The following CAST variants were observed in gnomAD, a reference collection of about 807,000 sequenced individuals.
CAST encodes MIR583 host.
Under a neutral mutation model 119.6 loss-of-function variants are expected in CAST, and 76 were observed. The observed-to-expected ratio is 0.64, with a 90% CI of 0.53 to 0.77. CAST has a LOEUF of 0.77. CAST is among the 30% of genes least tolerant of loss of function. CAST has a pLI of 0.00. For synonymous variants in CAST, 319 were observed against 331.6 expected (o/e 0.96, Z 0.41); for missense variants, 953 against 946.5 (o/e 1.01, Z -0.09).
chr5:96,106,072 G>A, the CAST span, among the ~76,000 whole-genome samples: 9 of 152,008 alleles, frequency 5.9e-5, no homozygotes, highest in South Asian at 2.1e-4. Flanking sequence ...CTGTGGGATC[G>A]GTGGTGATAT....
At chr5:96,620,855 T>A (rs772524741) in intron 1 of CAST, among the ~76,000 whole-genome samples, 5 of 152,226 alleles carry the variant, frequency 3.3e-5, no homozygotes, top group Non-Finnish European at 5.9e-5. Context: ...AAACGGTATT[T>A]ATAAAGCACA....
the CAST span, among the ~76,000 whole-genome samples, chr5:96,499,649 G>T: frequency 6.6e-6 from 1 of 152,212 alleles, no homozygotes; most frequent in African/African-American, 2.4e-5. Context: ...TGAAAGATTT[G>T]TCTGGACTAT....
the CAST span, among the ~76,000 whole-genome samples, chr5:96,425,546 T>C: frequency 6.6e-6 from 1 of 152,326 alleles, no homozygotes; most frequent in South Asian, 2.1e-4. Context: ...CTGCAAGATA[T>C]TATTTTTCTG....
chr5:96,114,695 A>G, the CAST span, among the ~76,000 whole-genome samples: 4 of 152,220 alleles, frequency 2.6e-5, no homozygotes, highest in African/African-American at 9.7e-5. Flanking sequence ...CTGAAGCAGC[A>G]GGCCATAAGA....
the CAST span, among the ~76,000 whole-genome samples, chr5:96,030,412 G>A: frequency 6.6e-5 from 10 of 152,246 alleles, no homozygotes; most frequent in South Asian, 1.4e-3. Flanking sequence ...TCTCTTCTGC[G>A]CATGAGATTT....
Position 96,757,594 on chromosome 5 carries a change from A to C in CAST, c.1773A>C (p.Glu591Asp), listed in dbSNP as rs1246290388. The change falls in exon 24 of 32, where the codon GAA becomes GAC. Residue 591 changes from glutamate (E) to aspartate (D), a missense_variant. Glu to Asp is a conservative substitution (Grantham distance 45, BLOSUM62 2). Transcript: ENST00000675179. ...ESKEQLPPMSEDFLLDALSED... is the reference protein window; with the variant it reads ...ESKEQLPPMSDDFLLDALSED... ...CCTGGTTCTTGCAGCCCATGAGTGA[A>C]GACTTCCTTCTGGATGCTTTGTCTG... The C allele has an allele frequency of 3.1e-6, 5 of 1,613,764 alleles. No individual in the cohort carries two copies. Among genetic ancestry groups the C allele is most frequent in the Non-Finnish European group, 4.2e-6 (5 of 1,179,826 alleles).
the CAST span, among the ~76,000 whole-genome samples, chr5:96,164,767 G>C: frequency 6.6e-6 from 1 of 152,204 alleles, no homozygotes; most frequent in Non-Finnish European, 1.5e-5. Flanking sequence ...GTTATGCCCT[G>C]GGTTGGCCAA....
At chr5:96,418,822 A>G in the CAST span, among the ~76,000 whole-genome samples, 1 of 152,176 alleles carries the variant, frequency 6.6e-6, no homozygotes, top group Non-Finnish European at 1.5e-5. Context: ...AGAGTTGCTC[A>G]TTATGTCATT....
chr5:96,554,208 T>C (rs1349656547), intron 1 of CAST, among the ~76,000 whole-genome samples: 1 of 152,118 alleles, frequency 6.6e-6, no homozygotes, highest in Non-Finnish European at 1.5e-5. Context: ...AAAACAGATA[T>C]ATAGACCAAT....
chr5:96,681,841 A>G (rs917814069), intron 2 of CAST, among the ~76,000 whole-genome samples: 1 of 149,998 alleles, frequency 6.7e-6, no homozygotes, highest in Admixed American at 6.6e-5. Context: ...TTCTTTAATT[A>G]TTACTCTTGT....
chr5:96,269,146 G>A, the CAST span, among the ~76,000 whole-genome samples: 6 of 152,158 alleles, frequency 3.9e-5, no homozygotes, highest in Non-Finnish European at 8.8e-5. Context: ...CCAGTCTCAG[G>A]TAGTTCTTTT....
chr5:96,197,953 C>G, the CAST span, among the ~76,000 whole-genome samples: 1 of 152,158 alleles, frequency 6.6e-6, no homozygotes, highest in Non-Finnish European at 1.5e-5. Flanking sequence ...GAGATGGGGT[C>G]TCACTATATT....
chr5:96,216,307 C>T, the CAST span, among the ~76,000 whole-genome samples: 1 of 152,148 alleles, frequency 6.6e-6, no homozygotes. Flanking sequence ...GCCAGCTCCC[C>T]TAACCCCCAC....
chr5:96,747,481 G>C (rs1165991245), intron 18 of CAST, 89 bp downstream of exon 18: 1 of 868,674 alleles, frequency 1.2e-6, no homozygotes, highest in East Asian at 2.5e-5. Flanking sequence ...GGAATTCACT[G>C]TGCAGACTTG....
the CAST span, among the ~76,000 whole-genome samples, chr5:96,499,926 C>T: frequency 6.6e-6 from 1 of 152,110 alleles, no homozygotes; most frequent in South Asian, 2.1e-4. Context: ...CACTTGAACA[C>T]TTAGAGGTCA....
At chr5:96,283,407 A>C in the CAST span, among the ~76,000 whole-genome samples, 1 of 152,238 alleles carries the variant, frequency 6.6e-6, no homozygotes, top group African/African-American at 2.4e-5. Context: ...TACAGGACTA[A>C]CTTTTCACAG....
chr5:96,325,520 C>T, the CAST span, among the ~76,000 whole-genome samples: 1 of 150,188 alleles, frequency 6.7e-6, no homozygotes, highest in East Asian at 2.0e-4. Context: ...CGCTCTGTTG[C>T]CCAGGCTGGA....
intron 10 of CAST, among the ~76,000 whole-genome samples, chr5:96,736,817 C>T (rs1561548098): frequency 6.6e-6 from 1 of 152,070 alleles, no homozygotes; most frequent in African/African-American, 2.4e-5. Flanking sequence ...TAGAAGCACT[C>T]TTATTTATTA....
Position 96,742,605 on chromosome 5 carries a change from G to A in CAST, c.1099-50G>A, listed in dbSNP as rs26503. The A allele has an allele frequency of 0.71, 789,209 of 1,107,250 alleles. 283,902 individuals carry two copies. Among genetic ancestry groups the A allele is most frequent in the Admixed American group, 0.82 (47,355 of 57,810 alleles). 68.6% of individuals were successfully genotyped at this position (1,107,250 alleles called of 1,614,324 possible). On this transcript the variant is annotated intron_variant, in intron 15 of 31. Transcript: ENST00000675179. ...TTACAAAGAAGTAAATGGATTGTTC[G>A]GGCTCCAGAGATGTCTTTTTTCATG... is the stretch of plus-strand genomic sequence containing the variant.
Sources: gnomAD v4.1 joint callset for allele counts (sites outside exome capture counted in the v4.1 genomes callset) on GRCh38, gnomAD v4.1.1 for gene constraint, MANE v1.5 for transcripts, NCBI Gene and HGNC (gene_info 2026-07-23, HGNC 2026-07-21) for gene names.